The following RAB38 variants were observed in gnomAD, a reference collection of about 807,000 sequenced individuals.
The protein encoded by RAB38 is RAB38, member RAS oncogene family.
A neutral mutation model predicts 18.4 loss-of-function variants in RAB38; 15 were observed. That is an observed-to-expected ratio of 0.82 (90% CI 0.55 to 1.26). The LOEUF is 1.26. Ranked by LOEUF, RAB38 falls within the 50% of genes most tolerant of loss-of-function variation. The pLI is 0.00. For missense variants in RAB38, 294 were observed against 267.4 expected (o/e 1.10, Z -0.69); for synonymous variants, 101 against 104.4 (o/e 0.97, Z 0.20).
chr11:88,154,629 C>T (rs778577545), intron 1 of RAB38, among the ~76,000 whole-genome samples: 1 of 152,120 alleles, frequency 6.6e-6, no homozygotes, highest in African/African-American at 2.4e-5. Context: ...AGACATAGAT[C>T]GTGGTACAGC....
At chr11:87,977,347 A>G in the RAB38 span, among the ~76,000 whole-genome samples, 3 of 117,662 alleles carry the variant, frequency 2.5e-5, no homozygotes, top group African/African-American at 3.4e-5. Context: ...ATAAAATTAT[A>G]TATTATATAA....
At chr11:87,947,165 G>T in the RAB38 span, among the ~76,000 whole-genome samples, 3 of 152,020 alleles carry the variant, frequency 2.0e-5, no homozygotes, top group African/African-American at 7.3e-5. Context: ...TTTTTCATGT[G>T]TTTTTTGGCT....
At chr11:88,101,011 C>A in the RAB38 span, among the ~76,000 whole-genome samples, 4 of 152,046 alleles carry the variant, frequency 2.6e-5, no homozygotes, top group African/African-American at 7.2e-5. Flanking sequence ...ATCTGTTCTC[C>A]TATTGAAAAT....
chr11:88,132,515 T>C (rs1942777958), intron 2 of RAB38, among the ~76,000 whole-genome samples: 1 of 152,256 alleles, frequency 6.6e-6, no homozygotes, highest in Non-Finnish European at 1.5e-5. Context: ...TGGAGTACAA[T>C]GGCACGATCT....
chr11:87,881,570 T>G, the RAB38 span, among the ~76,000 whole-genome samples: 6,548 of 151,982 alleles, frequency 0.043, 464 homozygotes, highest in African/African-American at 0.15. Context: ...ATAAAACTAA[T>G]GTATTATTTG....
At chr11:88,172,741 C>A (rs887627886) in intron 1 of RAB38, among the ~76,000 whole-genome samples, 1 of 152,188 alleles carries the variant, frequency 6.6e-6, no homozygotes, top group African/African-American at 2.4e-5. Context: ...AACTCATAAC[C>A]CACATGGCTC....
At chr11:88,098,192 T>G in the RAB38 span, 2 of 151,902 alleles carry the variant, frequency 1.3e-5, no homozygotes, top group East Asian at 3.9e-4. Flanking sequence ...GGGACACATA[T>G]TTCAACAATA....
intron 1 of RAB38, among the ~76,000 whole-genome samples, chr11:88,150,830 C>G (rs949722177): frequency 6.6e-6 from 1 of 152,132 alleles, no homozygotes; most frequent in Non-Finnish European, 1.5e-5. Context: ...CTCTCTCTTC[C>G]GCAGGCTTAG....
At chr11:88,132,765 T>C (rs2134798338) in intron 2 of RAB38, among the ~76,000 whole-genome samples, 1 of 152,280 alleles carries the variant, frequency 6.6e-6, no homozygotes, top group Non-Finnish European at 1.5e-5. Context: ...AGCCTAGATG[T>C]TTTACTTTTA....
the RAB38 span, among the ~76,000 whole-genome samples, chr11:87,839,697 C>A: frequency 1.3e-5 from 2 of 152,112 alleles, no homozygotes; most frequent in Admixed American, 6.6e-5. Flanking sequence ...TGAAGAAACT[C>A]TCTTAATATG....
intron 2 of RAB38, among the ~76,000 whole-genome samples, chr11:88,118,097 T>C (rs887240719): frequency 3.9e-5 from 6 of 152,200 alleles, no homozygotes; most frequent in African/African-American, 1.4e-4. Context: ...GCAAGACGTA[T>C]ACTGTTTAAA....
chr11:88,051,140 T>G, the RAB38 span, among the ~76,000 whole-genome samples: 2 of 152,264 alleles, frequency 1.3e-5, no homozygotes, highest in African/African-American at 2.4e-5. Flanking sequence ...TCTTAATTTC[T>G]GTACCCAAGA....
the RAB38 span, among the ~76,000 whole-genome samples, chr11:87,943,133 G>C: frequency 1.3e-5 from 2 of 152,086 alleles, no homozygotes; most frequent in Admixed American, 6.6e-5. Context: ...CAGAATAAGA[G>C]ATAACCTACA....
the RAB38 span, among the ~76,000 whole-genome samples, chr11:88,069,541 G>A: frequency 4.6e-5 from 7 of 152,224 alleles, no homozygotes; most frequent in South Asian, 2.1e-4. Flanking sequence ...GAACTTTTAT[G>A]TCTAGCCGGA....
chr11:88,069,418 G>T, the RAB38 span, among the ~76,000 whole-genome samples: 2 of 152,230 alleles, frequency 1.3e-5, no homozygotes, highest in Non-Finnish European at 2.9e-5. Flanking sequence ...CCACCCAAGG[G>T]CTGAGGAGTG....
chr11:87,939,872 C>T, the RAB38 span, among the ~76,000 whole-genome samples: 10 of 152,020 alleles, frequency 6.6e-5, no homozygotes, highest in African/African-American at 2.4e-4. Context: ...AGCTACACCT[C>T]AGCCTGAGTG....
the RAB38 span, among the ~76,000 whole-genome samples, chr11:87,932,887 G>A: frequency 6.6e-6 from 1 of 152,046 alleles, no homozygotes; most frequent in Non-Finnish European, 1.5e-5. Context: ...GGGACCTAGG[G>A]ACAGGTCATA....
chr11:88,072,639 C>T, the RAB38 span, among the ~76,000 whole-genome samples: 461 of 152,122 alleles, frequency 3.0e-3, 7 homozygotes, highest in African/African-American at 0.011. Flanking sequence ...ACTGAATAAA[C>T]TATGGATAAA....
At chr11:88,052,473 A>G in the RAB38 span, among the ~76,000 whole-genome samples, 1 of 152,154 alleles carries the variant, frequency 6.6e-6, no homozygotes, top group Admixed American at 6.5e-5. Context: ...AACCACTACA[A>G]AAAGGTAACA....
Sources: gnomAD v4.1 joint callset for allele counts (sites outside exome capture counted in the v4.1 genomes callset) on GRCh38, gnomAD v4.1.1 for gene constraint, MANE v1.5 for transcripts, NCBI Gene and HGNC (gene_info 2026-07-23, HGNC 2026-07-21) for gene names.